AFF1: variants seen among roughly 807,000 people sequenced by gnomAD.
AFF1 encodes the protein ALF transcription elongation factor 1.
AFF1 carries 48 observed loss-of-function variants against 121.7 expected under a neutral mutation model. The observed-to-expected ratio is 0.39, with a 90% CI of 0.31 to 0.50. The LOEUF is 0.50. Ranked by LOEUF, AFF1 falls within the 20% of genes least tolerant of loss-of-function variation. AFF1 has a pLI of 0.76. For missense variants in AFF1, 1,523 were observed against 1,511.7 expected (o/e 1.01, Z -0.12); for synonymous variants, 613 against 563.0 (o/e 1.09, Z -1.26).
chr4:87,063,256 T>TTTTTTG (rs869168821), intron 4 of AFF1, among the ~76,000 whole-genome samples: 1 of 134,552 alleles, frequency 7.4e-6, no homozygotes, highest in Non-Finnish European at 1.6e-5. Context: ...TTTTTTTTTT[T>TTTTTTG]GAGACAGAGT....
intron 2 of AFF1, among the ~76,000 whole-genome samples, chr4:86,970,038 A>C (rs1445414801): frequency 6.6e-6 from 1 of 152,056 alleles, no homozygotes; most frequent in African/African-American, 2.4e-5. Flanking sequence ...ACAGGTCTGA[A>C]AGGGGGTGCA....
Position 87,047,361 on chromosome 4 carries a change from C to G in AFF1, c.826C>G (p.Pro276Ala). The G allele has an allele frequency of 6.2e-7, 1 of 1,614,158 alleles. No individual in the cohort carries two copies. The highest frequency in any genetic ancestry group is 8.5e-7 in the Non-Finnish European group (1 of 1,180,032). The change falls in exon 4 of 21, where the codon CCG (proline) becomes GCG (alanine). Residue 276 changes from proline (P) to alanine (A), a missense_variant. Physicochemically the swap from Pro to Ala is conservative, Grantham distance 27 (BLOSUM62 -1). Coordinates refer to ENST00000395146, the MANE Select transcript of AFF1 (RefSeq NM_001166693.3). ...AGACAGTTTGGTGGCCCCTGCCCAG[C>G]CGCCTTCTCAGACATTTCCACCTCC... Reference protein sequence around the residue: ...PQDSLVAPAQPPSQTFPPPSL... With the variant: ...PQDSLVAPAQAPSQTFPPPSL...
intron 2 of AFF1, among the ~76,000 whole-genome samples, chr4:87,035,564 G>A (rs74995169): frequency 1.4e-5 from 2 of 146,980 alleles, no homozygotes; most frequent in Non-Finnish European, 1.5e-5. Context: ...CCGTCCCAAG[G>A]AAAAAAAAAA....
intron 1 of AFF1, among the ~76,000 whole-genome samples, chr4:86,944,595 C>T (rs191463618): frequency 4.6e-5 from 7 of 152,260 alleles, no homozygotes; most frequent in Admixed American, 2.0e-4. Context: ...TTGCCCGCCT[C>T]GGCCTCCCAA....
At chr4:87,086,934 G>T (rs1209645526) in intron 5 of AFF1, among the ~76,000 whole-genome samples, 2 of 152,284 alleles carry the variant, frequency 1.3e-5, no homozygotes, top group East Asian at 3.9e-4. Context: ...TGTAATGAAG[G>T]GGAAGTGGTG....
chr4:87,127,505 T>C, intron 15 of AFF1, 138 bp from the exon 16 acceptor site: 1 of 765,712 alleles, frequency 1.3e-6, no homozygotes, highest in South Asian at 1.8e-5. Context: ...CCCCTCCTTA[T>C]TTCCACTTCT....
intron 2 of AFF1, among the ~76,000 whole-genome samples, chr4:86,986,360 C>T (rs1038569705): frequency 1.3e-5 from 2 of 152,036 alleles, no homozygotes; most frequent in Non-Finnish European, 2.9e-5. Context: ...CATGAGCCAC[C>T]GTGCCTGGCC....
At chr4:87,006,613 C>G (rs1187880894) in intron 2 of AFF1, among the ~76,000 whole-genome samples, 1 of 152,220 alleles carries the variant, frequency 6.6e-6, no homozygotes, top group Non-Finnish European at 1.5e-5. Flanking sequence ...TCAAAAGTAG[C>G]GAACGTGGTT....
In AFF1 at chr4:87,047,083, A is replaced by T; in HGVS notation, c.548A>T (p.Lys183Ile). 6.2e-7 allele frequency: 1 copy of T among 1,614,080 alleles called. No homozygotes were observed. Among genetic ancestry groups the T allele is most frequent in the Non-Finnish European group, 8.5e-7 (1 of 1,180,006 alleles). ...QEGFGSSHHK[K>I]GDRRADGDHC... is the part of the protein sequence containing the mutation. ...GGGTTCGGCTCTAGTCATCACAAGA[A>T]AGGTGACCGAAGAGCTGACGGAGAC... Residue 183 changes from lysine to isoleucine, a missense_variant, in exon 4 of 21, where the codon AAA becomes ATA. Lys to Ile is a moderately radical substitution (Grantham distance 102). Around this residue, in one of 5 missense-constraint regions of AFF1, gnomAD observed 369 missense variants for 367.2 expected, o/e 1.00. Transcript: ENST00000395146.
In AFF1 at chr4:87,026,581, G is replaced by A. The variant is rs1044932560; in HGVS notation, c.39-19585G>A. 9.9e-5 allele frequency among the ~76,000 whole-genome samples: 15 copies of A among 152,204 alleles called. 1 individual carries two copies. The highest frequency in any genetic ancestry group is 1.9e-4 in the Non-Finnish European group (13 of 68,048). The stretch of plus-strand genomic sequence containing the variant: ...AGTTGCTCTGTAGTAGGAAGTGGTA[G>A]GGAAGTTGGAGGTGAGGAGGGCCCG... On this transcript the variant is annotated intron_variant, in intron 2 of 20. Transcript: ENST00000395146.
At chr4:86,940,482 A>G (rs1578810186) in intron 1 of AFF1, among the ~76,000 whole-genome samples, 1 of 152,146 alleles carries the variant, frequency 6.6e-6, no homozygotes, top group Non-Finnish European at 1.5e-5. Flanking sequence ...TCTCACTGCA[A>G]CCTTCGCCTC....
At chr4:87,064,978 G>A (rs1721190107) in intron 4 of AFF1, among the ~76,000 whole-genome samples, 1 of 151,874 alleles carries the variant, frequency 6.6e-6, no homozygotes, top group African/African-American at 2.4e-5. Context: ...AGTGTAGGCT[G>A]CAGTGAGCTG....
chr4:87,067,067 TCCCTTTC>T (rs1301231183), intron 4 of AFF1, among the ~76,000 whole-genome samples: 1 of 152,194 alleles, frequency 6.6e-6, no homozygotes, highest in Non-Finnish European at 1.5e-5. Flanking sequence ...TGTTTATCAT[TCCCTTTC>T]CCCTTTCAGA....
chr4:86,961,453 G>C (rs570392546), intron 2 of AFF1, among the ~76,000 whole-genome samples: 8 of 151,888 alleles, frequency 5.3e-5, no homozygotes, highest in Non-Finnish European at 1.2e-4. Flanking sequence ...CTTCTTTTTT[G>C]ACATGAATGA....
intron 5 of AFF1, among the ~76,000 whole-genome samples, chr4:87,088,285 C>T (rs1188754393): frequency 1.3e-5 from 2 of 152,216 alleles, no homozygotes; most frequent in Admixed American, 1.3e-4. Flanking sequence ...GGCACGAGTT[C>T]ACTTTTAACA....
chr4:87,121,804 C>G (rs1257152021), intron 12 of AFF1, among the ~76,000 whole-genome samples: 3 of 152,218 alleles, frequency 2.0e-5, no homozygotes, highest in African/African-American at 4.8e-5. Flanking sequence ...ACTGCATTCT[C>G]TCTTGTTGGC....
At chr4:87,035,280 G>A (rs1266588473) in intron 2 of AFF1, among the ~76,000 whole-genome samples, 1 of 152,150 alleles carries the variant, frequency 6.6e-6, no homozygotes, top group African/African-American at 2.4e-5. Flanking sequence ...TCACCCAGGA[G>A]GCCTGGCATG....
intron 2 of AFF1, among the ~76,000 whole-genome samples, chr4:86,949,282 C>G (rs1721094931): frequency 1.3e-5 from 2 of 149,584 alleles, no homozygotes; most frequent in Non-Finnish European, 3.0e-5. Flanking sequence ...TCAAGCAATT[C>G]TGCCTCAGCC....
chr4:86,993,417 C>T (rs1188365964), intron 2 of AFF1, among the ~76,000 whole-genome samples: 8 of 152,090 alleles, frequency 5.3e-5, no homozygotes, highest in African/African-American at 1.5e-4. Flanking sequence ...TCCTATCTTC[C>T]AGTTCTTAAA....
Sources: gnomAD v4.1 joint callset for allele counts (sites outside exome capture counted in the v4.1 genomes callset) on GRCh38, gnomAD v4.1.1 for gene constraint, gnomAD v4.1.1 regional missense constraint, MANE v1.5 for transcripts, NCBI Gene and HGNC (gene_info 2026-07-23, HGNC 2026-07-21) for gene names.